Variants in ATP6V1H observed in about 807,000 individuals in gnomAD.
ATP6V1H encodes V-type proton ATPase subunit H.
Under a neutral mutation model 71.7 loss-of-function variants are expected in ATP6V1H, and 39 were observed. The observed-to-expected ratio is 0.54, with a 90% confidence interval of 0.42 to 0.71. The LOEUF is 0.71. Ranked by LOEUF, ATP6V1H falls within the 30% of genes least tolerant of loss-of-function variation. The pLI, the probability that ATP6V1H is intolerant of heterozygous loss-of-function variation, is 0.00. For missense variants in ATP6V1H, 509 were observed against 594.9 expected, an observed-to-expected ratio of 0.86 and a Z score of 1.50; for synonymous variants, 192 against 199.3, an observed-to-expected ratio of 0.96 and a Z score of 0.31.
At chr8:53,843,007 G>C (rs559429448) in intron 1 of ATP6V1H, 27 bp downstream of exon 1, 6 of 152,360 alleles carry the variant, frequency 3.9e-5, no homozygotes, top group African/African-American at 1.2e-4. Flanking sequence ...TGCAGCCTGA[G>C]ACCAAACAAC....
At chr8:53,765,454 A>AACAACACACAC (rs200942953) in intron 11 of ATP6V1H, among the ~76,000 whole-genome samples, 3 of 74,132 alleles carry the variant, frequency 4.0e-5, no homozygotes, top group African/African-American at 1.4e-4. Context: ...CAACAACAAC[A>AACAACACACAC]ACACACACAC....
intron 2 of ATP6V1H, among the ~76,000 whole-genome samples, chr8:53,840,260 G>A (rs974536174): frequency 1.3e-5 from 2 of 152,220 alleles, no homozygotes; most frequent in African/African-American, 2.4e-5. Context: ...CACTTTGGGA[G>A]GCCAAGAGGG....
chr8:53,786,438 C>T (rs894563879), intron 9 of ATP6V1H, among the ~76,000 whole-genome samples: 5 of 152,172 alleles, frequency 3.3e-5, no homozygotes, highest in African/African-American at 1.2e-4. Context: ...CCGTCTGTCA[C>T]CCCTTTCTTT....
chr8:53,789,281 C>CA (rs1809488500), intron 9 of ATP6V1H, among the ~76,000 whole-genome samples: 1 of 152,016 alleles, frequency 6.6e-6, no homozygotes, highest in Non-Finnish European at 1.5e-5. Context: ...TAAGTGGGGA[C>CA]AAAAAAGTAG....
chr8:53,837,155 AG>A (rs1329991123), intron 2 of ATP6V1H, among the ~76,000 whole-genome samples: 3 of 151,996 alleles, frequency 2.0e-5, no homozygotes, highest in Non-Finnish European at 4.4e-5. Flanking sequence ...AAAAAAAAAA[AG>A]AGAGAGTGAA....
chr8:53,740,216 T>C (rs1323071076), intron 13 of ATP6V1H, among the ~76,000 whole-genome samples: 1 of 152,230 alleles, frequency 6.6e-6, no homozygotes, highest in Non-Finnish European at 1.5e-5. Flanking sequence ...AGTTCCATGA[T>C]TTCATAAGTA....
chr8:53,783,293 T>A (rs1328561214), intron 9 of ATP6V1H, among the ~76,000 whole-genome samples: 1 of 152,256 alleles, frequency 6.6e-6, no homozygotes, highest in African/African-American at 2.4e-5. Context: ...GTCTAGGAAT[T>A]TAACCATTTC....
chr8:53,810,146 G>A (rs974562663), intron 7 of ATP6V1H, among the ~76,000 whole-genome samples: 1 of 152,166 alleles, frequency 6.6e-6, no homozygotes, highest in Non-Finnish European at 1.5e-5. Flanking sequence ...GCAGGTTACA[G>A]AAACTACCCT....
chr8:53,816,652 TG>T (rs1185503936), intron 5 of ATP6V1H, among the ~76,000 whole-genome samples: 2 of 151,974 alleles, frequency 1.3e-5, no homozygotes, highest in East Asian at 3.9e-4. Context: ...AAAAATTAGA[TG>T]GGCGTGGTGG....
At chr8:53,841,278 C>T (rs1353990971) in intron 2 of ATP6V1H, among the ~76,000 whole-genome samples, 1 of 152,202 alleles carries the variant, frequency 6.6e-6, no homozygotes, top group African/African-American at 2.4e-5. Context: ...TCATCCCCTT[C>T]CTCCCTCCGT....
At chr8:53,842,399 A>G (rs1000645347) in intron 1 of ATP6V1H, 1 of 152,226 alleles carries the variant, frequency 6.6e-6, no homozygotes, top group African/African-American at 2.4e-5. Context: ...TCTCACTCCT[A>G]AACTTCCAGA....
In ATP6V1H at chr8:53,818,173, T is replaced by C. The variant is rs561954740; in HGVS notation, c.307-643A>G. ...CACTTTCTGATTCATTATGTGAATA[T>C]AGTTGTTAAACAGCAATACTTTTTT... On this transcript the variant is annotated intron_variant, in intron 4 of 13. Coordinates refer to ENST00000359530, the MANE Select transcript of ATP6V1H (RefSeq NM_015941.4). Among the ~76,000 whole-genome samples, 27 of 152,330 alleles carry C rather than the reference T, an allele frequency of 1.8e-4. No homozygotes were observed. The East Asian group carries it at 3.9e-3, about 22-fold the overall frequency.
At chr8:53,758,090 T>C (rs889792222) in intron 11 of ATP6V1H, among the ~76,000 whole-genome samples, 26 of 152,336 alleles carry the variant, frequency 1.7e-4, no homozygotes, top group African/African-American at 5.8e-4. Flanking sequence ...ACAAGACATA[T>C]TCAGTTTTTC....
chr8:53,823,508 ACT>A (rs1433604529), intron 4 of ATP6V1H, among the ~76,000 whole-genome samples: 20 of 151,904 alleles, frequency 1.3e-4, no homozygotes, highest in Non-Finnish European at 2.9e-5. Context: ...AGATAGTTTC[ACT>A]CTTTCTGCCC....
chr8:53,748,612 C>A (rs1330421098), intron 12 of ATP6V1H, among the ~76,000 whole-genome samples: 1 of 152,008 alleles, frequency 6.6e-6, no homozygotes, highest in African/African-American at 2.4e-5. Flanking sequence ...ATGGAAAATA[C>A]CCATGATAAA....
chr8:53,819,746 T>C (rs1266390585), intron 4 of ATP6V1H, among the ~76,000 whole-genome samples: 1 of 143,922 alleles, frequency 6.9e-6, no homozygotes, highest in Non-Finnish European at 1.5e-5. Flanking sequence ...ATATAGTGTG[T>C]GTATATATAC....
At chr8:53,831,008 C>T (rs1810988285) in intron 3 of ATP6V1H, among the ~76,000 whole-genome samples, 2 of 152,142 alleles carry the variant, frequency 1.3e-5, no homozygotes, top group African/African-American at 2.4e-5. Context: ...ATGGCAAAGA[C>T]CCCATAAACC....
chr8:53,773,500 G>A (rs1808749314), intron 9 of ATP6V1H, among the ~76,000 whole-genome samples: 1 of 152,152 alleles, frequency 6.6e-6, no homozygotes, highest in Admixed American at 6.5e-5. Flanking sequence ...GGGAAGTCAA[G>A]GAACAATACA....
intron 4 of ATP6V1H, among the ~76,000 whole-genome samples, chr8:53,821,085 G>C (rs75416343): frequency 0.099 from 14,536 of 147,448 alleles, 1,204 homozygotes; most frequent in East Asian, 0.45. Context: ...AAAAAAGAGA[G>C]AGAGGCCAGG....
Sources: gnomAD v4.1 joint callset for allele counts (sites outside exome capture counted in the v4.1 genomes callset) on GRCh38, gnomAD v4.1.1 for gene constraint, MANE v1.5 for transcripts, NCBI Gene and HGNC (gene_info 2026-07-23, HGNC 2026-07-21) for gene names.